Variants in TENT5D observed in about 807,000 individuals in gnomAD.
TENT5D encodes cancer/testis antigen 112.
For missense variants in TENT5D, 191 were observed against 287.0 expected (o/e 0.67, Z 2.42); for synonymous variants, 103 against 100.6 (o/e 1.02, Z -0.15).
At chrX:80,383,088 A>G (rs1257659592) in intron 3 of TENT5D, among the ~76,000 whole-genome samples, 1 of 112,195 alleles carries the variant, frequency 8.9e-6, no homozygotes, top group Non-Finnish European at 1.9e-5. Flanking sequence ...TCACGCTGGG[A>G]GCTACAGACT....
intron 1 of TENT5D, among the ~76,000 whole-genome samples, chrX:80,438,042 A>G (rs759870846): frequency 8.9e-6 from 1 of 111,839 alleles, no homozygotes; most frequent in Admixed American, 9.5e-5. Context: ...ATGGCTTAAA[A>G]GAGCATTCAC....
At chrX:80,436,617 A>G (rs1471156194) in intron 1 of TENT5D, among the ~76,000 whole-genome samples, 1 of 109,888 alleles carries the variant, frequency 9.1e-6, no homozygotes, top group Non-Finnish European at 1.9e-5. Context: ...TTCAACTCCC[A>G]CTTATGAGTG....
intron 3 of TENT5D, among the ~76,000 whole-genome samples, chrX:80,394,386 C>T (rs1931196380): frequency 4.2e-5 from 3 of 71,141 alleles, no homozygotes; most frequent in Admixed American, 1.7e-4. Flanking sequence ...TATTCAGGTC[C>T]TTTCCTTTTT....
At chrX:80,416,045 T>C (rs182434518), upstream of TENT5D, among the ~76,000 whole-genome samples, 2 of 111,843 alleles carry the variant, frequency 1.8e-5, no homozygotes, top group African/African-American at 6.5e-5. Context: ...CAGGAATTTA[T>C]CCAGTTATTC....
At chrX:80,384,070 T>G (rs1930935453) in intron 3 of TENT5D, among the ~76,000 whole-genome samples, 2 of 108,235 alleles carry the variant, frequency 1.8e-5, no homozygotes, top group Non-Finnish European at 1.9e-5. Flanking sequence ...CCTAACTCAT[T>G]TTATGAGGCA....
chrX:80,339,337 A>T (rs1033881313), intron 2 of TENT5D, among the ~76,000 whole-genome samples: 1 of 111,582 alleles, frequency 9.0e-6, no homozygotes, highest in African/African-American at 3.3e-5. Context: ...ATGAAGAAAT[A>T]GACTCAGTTT....
At chrX:80,431,136 C>T (rs1354829060) in intron 1 of TENT5D, among the ~76,000 whole-genome samples, 1 of 111,988 alleles carries the variant, frequency 8.9e-6, no homozygotes, top group Non-Finnish European at 1.9e-5. Flanking sequence ...AGAGCATGTG[C>T]CTTAAAAGAA....
intron 3 of TENT5D, among the ~76,000 whole-genome samples, chrX:80,386,908 T>C (rs936271192): frequency 1.8e-5 from 2 of 111,549 alleles, no homozygotes; most frequent in African/African-American, 6.5e-5. Context: ...CTAAGAAAAA[T>C]TAAAATGTTC....
chrX:80,386,542 A>G (rs1005923801), intron 3 of TENT5D, among the ~76,000 whole-genome samples: 5 of 110,991 alleles, frequency 4.5e-5, no homozygotes, highest in Non-Finnish European at 9.4e-5. Flanking sequence ...GTACCCTAGA[A>G]CTTAAAGTAT....
chrX:80,352,708 G>A (rs1302188741), intron 3 of TENT5D, among the ~76,000 whole-genome samples: 1 of 61,471 alleles, frequency 1.6e-5, no homozygotes, highest in Non-Finnish European at 2.7e-5. Context: ...GCTGGAGTAC[G>A]AAGCAAACAA....
intron 3 of TENT5D, among the ~76,000 whole-genome samples, chrX:80,347,725 T>A (rs1327680563): frequency 8.9e-6 from 1 of 112,348 alleles, no homozygotes; most frequent in Non-Finnish European, 1.9e-5. Context: ...GCTTTAGGTG[T>A]TTTAGTCATG....
intron 3 of TENT5D, among the ~76,000 whole-genome samples, chrX:80,370,010 A>T (rs1930591985): frequency 9.0e-6 from 1 of 110,728 alleles, no homozygotes; most frequent in South Asian, 3.9e-4. Flanking sequence ...ATAGCCTCAA[A>T]CTCCTGGGCT....
At chrX:80,397,474 C>A (rs1204094721) in intron 3 of TENT5D, among the ~76,000 whole-genome samples, 2 of 109,516 alleles carry the variant, frequency 1.8e-5, no homozygotes, top group Non-Finnish European at 3.8e-5. Flanking sequence ...GGGCTCCTCA[C>A]GTCCCAGACG....
chrX:80,358,820 A>G (rs1435664386), intron 3 of TENT5D, among the ~76,000 whole-genome samples: 1 of 112,039 alleles, frequency 8.9e-6, no homozygotes, highest in African/African-American at 3.2e-5. Flanking sequence ...CATGGAAAAC[A>G]TTGTGTTAAC....
At chrX:80,405,471 CTCAG>C (rs781628007) in intron 3 of TENT5D, among the ~76,000 whole-genome samples, 6 of 112,832 alleles carry the variant, frequency 5.3e-5, no homozygotes, top group Non-Finnish European at 1.1e-4. Context: ...AGTTCCCTTT[CTCAG>C]TCAAAGAAAG....
chrX:80,354,809 G>T (rs925898181), intron 3 of TENT5D, among the ~76,000 whole-genome samples: 2 of 111,949 alleles, frequency 1.8e-5, no homozygotes, highest in Non-Finnish European at 3.8e-5. Flanking sequence ...TTAGTTTGTT[G>T]TTGTTTTTAA....
intron 3 of TENT5D, among the ~76,000 whole-genome samples, chrX:80,382,519 T>C (rs1930887365): frequency 8.9e-6 from 1 of 112,138 alleles, no homozygotes; most frequent in Admixed American, 9.4e-5. Flanking sequence ...TCTTCACTGC[T>C]GTCAGACAGG....
chrX:80,373,795 A>G (rs1203341414), intron 3 of TENT5D, among the ~76,000 whole-genome samples: 1 of 111,155 alleles, frequency 9.0e-6, no homozygotes, highest in African/African-American at 3.3e-5. Flanking sequence ...TTACCCATCT[A>G]ATATATTTCA....
Position 80,381,756 on chromosome X carries a change from C to T in TENT5D, c.-142+39192C>T, listed in dbSNP as rs774475006. Reference sequence around the variant, plus strand: ...TTCTTCCACTTGATTGAATCAGCTACTGAAGCTTGTGCATGCGTCATGTAG... The same window carrying T: ...TTCTTCCACTTGATTGAATCAGCTATTGAAGCTTGTGCATGCGTCATGTAG... On this transcript the variant is annotated intron_variant, in intron 3 of 4. Transcript: ENST00000538312. 5.4e-5 allele frequency among the ~76,000 whole-genome samples: 6 copies of T among 112,141 alleles called. No individual in the cohort carries two copies. In the East Asian group the frequency reaches 1.4e-3, roughly 26 times the overall value.
Sources: allele counts gnomAD v4.1 joint callset (sites outside exome capture counted in the v4.1 genomes callset), GRCh38; gene constraint gnomAD v4.1.1; transcripts MANE v1.5; gene names NCBI Gene and HGNC (gene_info 2026-07-23, HGNC 2026-07-21).